The following MDGA2 variants were observed in gnomAD, a reference collection of about 807,000 sequenced individuals.
MDGA2 encodes the protein MAM domain containing glycosylphosphatidylinositol anchor 2.
A neutral mutation model predicts 117.8 loss-of-function variants in MDGA2; 40 were observed. That is an observed-to-expected ratio of 0.34 (90% confidence interval 0.26 to 0.44). MDGA2 has a LOEUF of 0.44. MDGA2 is among the 20% of genes least tolerant of loss of function. The pLI is 1.00. For synonymous variants in MDGA2, 452 were observed against 439.0 expected, an observed-to-expected ratio of 1.03 and a Z score of -0.37; for missense variants, 1,123 against 1,250.6, an observed-to-expected ratio of 0.90 and a Z score of 1.54.
intron 9 of MDGA2, among the ~76,000 whole-genome samples, chr14:46,944,924 A>G (rs1885119988): frequency 1.3e-5 from 2 of 152,042 alleles, no homozygotes; most frequent in South Asian, 4.1e-4. Flanking sequence ...CTTTTTGCTA[A>G]ATCCAACATC....
intron 1 of MDGA2, among the ~76,000 whole-genome samples, chr14:47,301,803 A>G (rs1889294463): frequency 6.6e-6 from 1 of 152,200 alleles, no homozygotes; most frequent in Non-Finnish European, 1.5e-5. Flanking sequence ...CACCATCAAT[A>G]CAAGACCACA....
At chr14:47,256,751 C>G (rs1267627991) in intron 2 of MDGA2, among the ~76,000 whole-genome samples, 2 of 145,984 alleles carry the variant, frequency 1.4e-5, no homozygotes, top group African/African-American at 5.1e-5. Context: ...TTAAATGTAA[C>G]AAATCATAAA....
intron 1 of MDGA2, among the ~76,000 whole-genome samples, chr14:47,331,124 A>T (rs1469737452): frequency 6.6e-6 from 1 of 151,868 alleles, no homozygotes; most frequent in Admixed American, 6.6e-5. Flanking sequence ...TAAGAATTTT[A>T]TTAGAGATCA....
intron 3 of MDGA2, among the ~76,000 whole-genome samples, chr14:47,185,161 G>T (rs1884861027): frequency 6.7e-6 from 1 of 150,346 alleles, no homozygotes; most frequent in Admixed American, 6.6e-5. Context: ...AAGATGAATA[G>T]AATTTTAAAT....
At chr14:47,205,968 C>T (rs1028690669) in intron 3 of MDGA2, among the ~76,000 whole-genome samples, 1 of 151,876 alleles carries the variant, frequency 6.6e-6, no homozygotes, top group Admixed American at 6.6e-5. Context: ...ATATACTGTA[C>T]CATATGAAGT....
chr14:47,623,668 GA>G (rs1468120814), intron 1 of MDGA2, among the ~76,000 whole-genome samples: 1 of 151,670 alleles, frequency 6.6e-6, no homozygotes, highest in East Asian at 1.9e-4. Context: ...GTGAGTTACA[GA>G]AAACCAGTAT....
At chr14:47,235,646 G>C (rs943989427) in intron 2 of MDGA2, among the ~76,000 whole-genome samples, 7 of 152,150 alleles carry the variant, frequency 4.6e-5, no homozygotes, top group African/African-American at 1.4e-4. Context: ...CTTGTGGCAA[G>C]GAAAAATGTG....
chr14:46,905,394 C>T (rs1260852116), intron 10 of MDGA2, among the ~76,000 whole-genome samples: 1 of 151,968 alleles, frequency 6.6e-6, no homozygotes, highest in African/African-American at 2.4e-5. Context: ...CAAGTGTATT[C>T]ATTATGCTTC....
At chr14:47,445,789 T>C (rs1031004094) in intron 1 of MDGA2, among the ~76,000 whole-genome samples, 41 of 152,194 alleles carry the variant, frequency 2.7e-4, no homozygotes, top group African/African-American at 9.9e-4. Flanking sequence ...GCACACCAAC[T>C]TCCTTGGATG....
chr14:46,911,166 A>G (rs556704631), intron 10 of MDGA2, among the ~76,000 whole-genome samples: 47 of 152,364 alleles, frequency 3.1e-4, no homozygotes, highest in Admixed American at 1.3e-3. Context: ...AATAAAAAAG[A>G]TAAGTAATGC....
intron 1 of MDGA2, among the ~76,000 whole-genome samples, chr14:47,462,941 T>A (rs1366225006): frequency 6.6e-6 from 1 of 152,232 alleles, no homozygotes. Context: ...AATTGAGACA[T>A]TTATGTATCA....
At chr14:47,606,944 A>C (rs1896754068) in intron 1 of MDGA2, among the ~76,000 whole-genome samples, 1 of 152,192 alleles carries the variant, frequency 6.6e-6, no homozygotes, top group South Asian at 2.1e-4. Context: ...AGGATGCCTG[A>C]ATAAAGAAAA....
intron 3 of MDGA2, among the ~76,000 whole-genome samples, chr14:47,155,434 G>A (rs1170771467): frequency 6.6e-6 from 1 of 152,076 alleles, no homozygotes; most frequent in Non-Finnish European, 1.5e-5. Flanking sequence ...CCAAGCCAGA[G>A]CTGTGACACT....
intron 1 of MDGA2, among the ~76,000 whole-genome samples, chr14:47,435,151 C>T (rs1396376189): frequency 6.6e-6 from 1 of 151,954 alleles, no homozygotes; most frequent in East Asian, 1.9e-4. Flanking sequence ...CAAAACAAAG[C>T]AAAACAAACC....
At chr14:47,093,491 G>A (rs572248903) in intron 6 of MDGA2, among the ~76,000 whole-genome samples, 2 of 152,198 alleles carry the variant, frequency 1.3e-5, no homozygotes, top group East Asian at 1.9e-4. Flanking sequence ...AGCTCAGGGT[G>A]TACAACACGT....
chr14:47,227,027 G>A (rs1886529739), intron 2 of MDGA2, among the ~76,000 whole-genome samples: 1 of 151,926 alleles, frequency 6.6e-6, no homozygotes, highest in African/African-American at 2.4e-5. Flanking sequence ...ATTATGTCCT[G>A]CCCCCTTTGT....
At chr14:47,513,279 T>C (rs947383252) in intron 1 of MDGA2, among the ~76,000 whole-genome samples, 1 of 152,156 alleles carries the variant, frequency 6.6e-6, no homozygotes, top group Non-Finnish European at 1.5e-5. Context: ...CATTTTTTTA[T>C]ATGGCTGATA....
At chr14:47,610,328 C>G (rs886858126) in intron 1 of MDGA2, among the ~76,000 whole-genome samples, 1 of 151,956 alleles carries the variant, frequency 6.6e-6, no homozygotes, top group African/African-American at 2.4e-5. Flanking sequence ...AGTAATCAGA[C>G]AAGAGAAAGT....
chr14:47,251,531 A>G (rs1171518874), intron 2 of MDGA2, among the ~76,000 whole-genome samples: 2 of 152,344 alleles, frequency 1.3e-5, no homozygotes, highest in African/African-American at 4.8e-5. Flanking sequence ...CCCGAAGTAT[A>G]CGTACTACAT....
Sources: gnomAD v4.1 joint callset for allele counts (sites outside exome capture counted in the v4.1 genomes callset) on GRCh38, gnomAD v4.1.1 for gene constraint, MANE v1.5 for transcripts, NCBI Gene and HGNC (gene_info 2026-07-23, HGNC 2026-07-21) for gene names.